The following TFCP2 variants were observed in gnomAD, a reference collection of about 807,000 sequenced individuals.
The protein encoded by TFCP2 is alpha-globin transcription factor CP2.
A neutral mutation model predicts 73.4 loss-of-function variants in TFCP2; 33 were observed. The ratio of observed to expected loss-of-function variants is 0.45; its 90% CI spans 0.34 to 0.60. TFCP2 has a LOEUF of 0.60. Among genes scored for constraint, TFCP2 ranks in the 20% least tolerant of loss-of-function variants. TFCP2 has a pLI of 0.01. For missense variants in TFCP2, 352 were observed against 604.0 expected, an observed-to-expected ratio of 0.58 and a Z score of 4.37; for synonymous variants, 193 against 211.6, an observed-to-expected ratio of 0.91 and a Z score of 0.76.
intron 2 of TFCP2, 108 bp downstream of exon 2, chr12:51,118,513 C>T (rs1037081618): frequency 7.4e-6 from 10 of 1,342,282 alleles, no homozygotes; most frequent in Non-Finnish European, 1.0e-5. Context: ...CAAGATGGCG[C>T]CACTACACTC....
chr12:51,162,003 T>G (rs1941660820), intron 1 of TFCP2, among the ~76,000 whole-genome samples: 1 of 151,238 alleles, frequency 6.6e-6, no homozygotes, highest in African/African-American at 2.4e-5. Context: ...CAAATAGCAA[T>G]TCTGGACATA....
chr12:51,156,899 G>A (rs956922767), intron 1 of TFCP2: 6 of 151,906 alleles, frequency 3.9e-5, no homozygotes, highest in Admixed American at 1.3e-4. Flanking sequence ...AGTAAGGATA[G>A]GGGAAAGAGT....
At chr12:51,104,312 T>G (rs1391418311) in intron 8 of TFCP2, 109 bp from the exon 9 acceptor site, 1 of 912,164 alleles carries the variant, frequency 1.1e-6, no homozygotes, top group East Asian at 2.5e-5. Flanking sequence ...AAAAAAAATC[T>G]GTGCTCTCTC....
At chr12:51,129,215 T>TA (rs1422879571) in intron 1 of TFCP2, among the ~76,000 whole-genome samples, 5 of 151,982 alleles carry the variant, frequency 3.3e-5, no homozygotes, top group Admixed American at 1.3e-4. Flanking sequence ...TGAGAGGACT[T>TA]AAAAAATCTA....
intron 1 of TFCP2, among the ~76,000 whole-genome samples, chr12:51,143,355 TA>T (rs1210912859): frequency 6.7e-6 from 1 of 149,852 alleles, no homozygotes; most frequent in East Asian, 1.9e-4. Flanking sequence ...TCCAACAAAA[TA>T]TTCAAACCAG....
At chr12:51,166,824 A>G (rs1281631721) in intron 1 of TFCP2, among the ~76,000 whole-genome samples, 1 of 152,154 alleles carries the variant, frequency 6.6e-6, no homozygotes, top group Non-Finnish European at 1.5e-5. Context: ...TATGAATAAA[A>G]TCTTGTCTCT....
At chr12:51,167,792 G>A (rs572516606) in intron 1 of TFCP2, among the ~76,000 whole-genome samples, 1 of 152,072 alleles carries the variant, frequency 6.6e-6, no homozygotes, top group Non-Finnish European at 1.5e-5. Flanking sequence ...TGGGAACCGC[G>A]GCTGACATGT....
intron 1 of TFCP2, among the ~76,000 whole-genome samples, chr12:51,164,460 G>A (rs892636987): frequency 6.6e-6 from 1 of 151,688 alleles, no homozygotes; most frequent in Non-Finnish European, 1.5e-5. Flanking sequence ...AGCTGGGCAC[G>A]GTGGCAGGCA....
At position 51,103,845 on chromosome 12, in the gene TFCP2, C is replaced by T. The variant is rs193080758; in HGVS notation, c.967-82G>A. On this transcript the variant is annotated intron_variant, in intron 9 of 14. Coordinates refer to ENST00000257915, the MANE Select transcript of TFCP2 (RefSeq NM_005653.5). ...AGGTAACACATAGCCAAACACCCCACACAACCCCATACTCAGGCCTAGTTT... is the reference window on the plus strand; with the variant it reads ...AGGTAACACATAGCCAAACACCCCATACAACCCCATACTCAGGCCTAGTTT... The T allele has an allele frequency of 1.6e-4, 171 of 1,090,926 alleles. 1 individual carries two copies. In the East Asian group the frequency reaches 3.7e-3, roughly 23 times the overall value. 67.6% of individuals were successfully genotyped at this position (1,090,926 alleles called of 1,614,324 possible).
chr12:51,148,585 G>A (rs987271461), intron 1 of TFCP2, among the ~76,000 whole-genome samples: 3 of 151,438 alleles, frequency 2.0e-5, no homozygotes, highest in Non-Finnish European at 2.9e-5. Flanking sequence ...CTGTAGTCCA[G>A]GCTACTTGGG....
intron 4 of TFCP2, 94 bp from the exon 5 acceptor site, chr12:51,111,077 C>A: frequency 3.5e-6 from 3 of 864,598 alleles, no homozygotes; most frequent in East Asian, 2.5e-5. Context: ...ATGTAGCTAC[C>A]AAGATTTTTG....
chr12:51,095,347 A>G, intron 14 of TFCP2, 69 bp from the exon 15 acceptor site: 1 of 1,532,830 alleles, frequency 6.5e-7, no homozygotes, highest in Non-Finnish European at 9.0e-7. Flanking sequence ...GAAAAAAAGT[A>G]TGGTAAGATT....
intron 1 of TFCP2, among the ~76,000 whole-genome samples, chr12:51,151,555 G>A (rs1487463760): frequency 6.6e-6 from 1 of 152,142 alleles, no homozygotes; most frequent in Non-Finnish European, 1.5e-5. Flanking sequence ...TCCTGCCTCA[G>A]CCTCTCAAGT....
At chr12:51,096,570 G>T (rs1376200735) in intron 13 of TFCP2, among the ~76,000 whole-genome samples, 1 of 152,168 alleles carries the variant, frequency 6.6e-6, no homozygotes, top group Non-Finnish European at 1.5e-5. Context: ...CTGAGCAATA[G>T]ACCCTTTTAT....
intron 1 of TFCP2, among the ~76,000 whole-genome samples, chr12:51,161,742 G>A (rs1167744498): frequency 7.8e-6 from 1 of 127,444 alleles, no homozygotes; most frequent in African/African-American, 3.0e-5. Context: ...CAGCCTGGGA[G>A]ACAGCAAGAC....
At chr12:51,154,351 G>A (rs1041880717) in intron 1 of TFCP2, among the ~76,000 whole-genome samples, 4 of 152,130 alleles carry the variant, frequency 2.6e-5, no homozygotes, top group African/African-American at 7.2e-5. Flanking sequence ...GGCAGAGTAA[G>A]AGATTAACAA....
chr12:51,121,927 T>C (rs1009913345), intron 1 of TFCP2, among the ~76,000 whole-genome samples: 7 of 152,242 alleles, frequency 4.6e-5, no homozygotes, highest in Non-Finnish European at 7.3e-5. Flanking sequence ...CTCACCTGTA[T>C]ACACATTTTC....
intron 1 of TFCP2, among the ~76,000 whole-genome samples, chr12:51,167,949 C>T (rs1237752924): frequency 6.6e-6 from 1 of 152,004 alleles, no homozygotes; most frequent in African/African-American, 2.4e-5. Context: ...TAGTCCTAGC[C>T]AGTCAGGAGG....
intron 1 of TFCP2, among the ~76,000 whole-genome samples, chr12:51,160,192 T>C (rs193195255): frequency 1.6e-3 from 243 of 148,178 alleles, no homozygotes; most frequent in African/African-American, 4.7e-3. Flanking sequence ...CTGGAGTGCA[T>C]TGGCACAATT....
Sources: allele counts gnomAD v4.1 joint callset (sites outside exome capture counted in the v4.1 genomes callset), GRCh38; gene constraint gnomAD v4.1.1; transcripts MANE v1.5; gene names NCBI Gene and HGNC (gene_info 2026-07-23, HGNC 2026-07-21).